Variants in C1orf94 observed in about 807,000 individuals in gnomAD.
C1orf94 encodes uncharacterized protein C1orf94.
C1orf94 carries 45 observed loss-of-function variants against 53.6 expected under a neutral mutation model. The observed-to-expected ratio is 0.84, with a 90% CI of 0.66 to 1.08. The LOEUF is 1.08. Among genes scored for constraint, C1orf94 ranks in the 50% least tolerant of loss-of-function variants. C1orf94 has a pLI of 0.00. For synonymous variants in C1orf94, 304 were observed against 296.1 expected, an observed-to-expected ratio of 1.03 and a Z score of -0.27; for missense variants, 762 against 738.9, an observed-to-expected ratio of 1.03 and a Z score of -0.36.
intron 1 of C1orf94, among the ~76,000 whole-genome samples, chr1:34,171,887 G>A (rs1394384076): frequency 4.6e-5 from 7 of 152,176 alleles, no homozygotes; most frequent in African/African-American, 1.4e-4. Flanking sequence ...TTACCTCCAT[G>A]AGGCCTGACC....
Position 34,197,523 on chromosome 1 carries a change from G to C in C1orf94, c.619G>C (p.Val207Leu), listed in dbSNP as rs367654533. 1 of 1,614,114 alleles carries C rather than the reference G, an allele frequency of 6.2e-7. No individual in the cohort carries two copies. Among genetic ancestry groups the C allele is most frequent in the Admixed American group, 1.7e-5 (1 of 60,016 alleles). ...GGACTGTGATTCTGCCACTTCTACTGTCACAGACATTCTGTGTGCCGCCGA... is the reference window on the plus strand; with the variant it reads ...GGACTGTGATTCTGCCACTTCTACTCTCACAGACATTCTGTGTGCCGCCGA... ...RQDCDSATSTVTDILCAAEVK... is the reference protein window; with the variant it reads ...RQDCDSATSTLTDILCAAEVK... Residue 207 changes from valine to leucine, a missense_variant, in exon 2 of 7, where the codon GTC (valine) becomes CTC (leucine). Coordinates refer to ENST00000488417, the MANE Select transcript of C1orf94 (RefSeq NM_001134734.2). The surrounding 1 kb of genome is among the most constrained non-coding windows in gnomAD (Gnocchi z 4.1).
At chr1:34,179,423 C>A (rs72888148) in intron 1 of C1orf94, among the ~76,000 whole-genome samples, 4,064 of 152,342 alleles carry the variant, frequency 0.027, 175 homozygotes, top group African/African-American at 0.085. Context: ...AGCTGATTGT[C>A]CACTTTGTGG....
At chr1:34,202,519 T>C (rs1283435103) in intron 4 of C1orf94, among the ~76,000 whole-genome samples, 1 of 152,178 alleles carries the variant, frequency 6.6e-6, no homozygotes, top group African/African-American at 2.4e-5. Flanking sequence ...CACACACATA[T>C]GTATATTTAG....
chr1:34,173,361 A>T (rs1333701422), upstream of C1orf94, among the ~76,000 whole-genome samples: 2 of 152,242 alleles, frequency 1.3e-5, no homozygotes, highest in Non-Finnish European at 2.9e-5. Flanking sequence ...TGAGGAACCT[A>T]AAAGGACCTA....
chr1:34,186,283 C>A (rs1057423172), intron 1 of C1orf94, among the ~76,000 whole-genome samples: 1 of 152,150 alleles, frequency 6.6e-6, no homozygotes, highest in Non-Finnish European at 1.5e-5. Flanking sequence ...AAAGTCACAG[C>A]GACTATTTCA....
intron 1 of C1orf94, among the ~76,000 whole-genome samples, chr1:34,171,182 T>G (rs973932166): frequency 6.6e-6 from 1 of 152,138 alleles, no homozygotes; most frequent in African/African-American, 2.4e-5. Context: ...GCCTCAGATC[T>G]CCCTATTCCC....
chr1:34,188,802 T>A lies in C1orf94; in HGVS notation c.321-8423T>A, dbSNP rs941917800. On this transcript the variant is annotated intron_variant, in intron 1 of 6. Transcript: ENST00000488417. ...AGTCCCCTGACTCCTATCAGGAAAGTCCCAGGAGACAGAGCTTAAGGGTTT... is the reference window on the plus strand; with the variant it reads ...AGTCCCCTGACTCCTATCAGGAAAGACCCAGGAGACAGAGCTTAAGGGTTT... Among the ~76,000 whole-genome samples the A allele has an allele frequency of 7.2e-5, 11 of 152,242 alleles. No individual in the cohort carries two copies. In the Middle Eastern group the frequency reaches 0.01, roughly 141 times the overall value.
chr1:34,180,351 T>A (rs1285354641), intron 1 of C1orf94, among the ~76,000 whole-genome samples: 1 of 152,244 alleles, frequency 6.6e-6, no homozygotes, highest in African/African-American at 2.4e-5. Context: ...ATTATGCAAA[T>A]TTTCAAACAC....
At chr1:34,215,987 C>G (rs1393813749) in intron 6 of C1orf94, among the ~76,000 whole-genome samples, 2 of 152,100 alleles carry the variant, frequency 1.3e-5, no homozygotes, top group African/African-American at 2.4e-5. Flanking sequence ...GCCTGGGTGA[C>G]AGAGCACAAC....
intron 5 of C1orf94, among the ~76,000 whole-genome samples, chr1:34,211,195 C>T (rs1370454425): frequency 6.6e-6 from 1 of 151,998 alleles, no homozygotes; most frequent in Non-Finnish European, 1.5e-5. Context: ...GGTAACGAGC[C>T]CCCCATCATT....
intron 1 of C1orf94, among the ~76,000 whole-genome samples, chr1:34,178,640 A>C (rs1368819789): frequency 6.6e-6 from 1 of 152,204 alleles, no homozygotes; most frequent in Non-Finnish European, 1.5e-5. Context: ...ACATAATAGA[A>C]AATTAAAGTG....
At chr1:34,215,899 G>A (rs540177444) in intron 6 of C1orf94, among the ~76,000 whole-genome samples, 2 of 152,196 alleles carry the variant, frequency 1.3e-5, no homozygotes, top group African/African-American at 2.4e-5. Context: ...CCAGCTACTC[G>A]GGAGGCTGAG....
chr1:34,173,629 T>C (rs765045626), upstream of C1orf94, among the ~76,000 whole-genome samples: 10 of 152,250 alleles, frequency 6.6e-5, no homozygotes, highest in Admixed American at 3.9e-4. Context: ...CAAGCTATTA[T>C]AAGCACTTTA....
At chr1:34,215,192 A>G (rs1334812327) in intron 6 of C1orf94, among the ~76,000 whole-genome samples, 1 of 152,188 alleles carries the variant, frequency 6.6e-6, no homozygotes, top group East Asian at 1.9e-4. Flanking sequence ...TGAACCACAC[A>G]TACATTTCGG....
chr1:34,214,919 A>G (rs933997865), intron 6 of C1orf94, among the ~76,000 whole-genome samples: 2 of 152,152 alleles, frequency 1.3e-5, no homozygotes, highest in Admixed American at 6.5e-5. Context: ...AAGCCTGAGT[A>G]CCCAGAGGGG....
upstream of C1orf94, among the ~76,000 whole-genome samples, chr1:34,174,360 C>T (rs536331494): frequency 3.3e-5 from 5 of 152,302 alleles, no homozygotes; most frequent in Admixed American, 6.5e-5. Context: ...AGTAATAGAA[C>T]ATCTGTAGTA....
At chr1:34,209,740 T>C (rs1391279701) in intron 5 of C1orf94, among the ~76,000 whole-genome samples, 1 of 152,120 alleles carries the variant, frequency 6.6e-6, no homozygotes, top group Non-Finnish European at 1.5e-5. Context: ...CATCCTGAGA[T>C]GAATCTGGGA....
rs758659664 is a variant in C1orf94, at chr1:34,210,660, G to GTT, written c.1525-1538_1525-1537dup. On this transcript the variant is annotated intron_variant, in intron 5 of 6. Transcript: ENST00000488417. ...CAATGAGTGCTAGCCTTTGTGGATT[G>GTT]TTTTTTTTTTTTTAGACGGAGTCTC... Among the ~76,000 whole-genome samples, 830 of 143,858 alleles carry GTT rather than the reference G, an allele frequency of 5.8e-3. 8 individuals are homozygous for GTT. The highest frequency in any genetic ancestry group is 0.02 in the African/African-American group (784 of 39,540). The allele number at this position is 143,858 out of a possible 152,430, so 94.4% of individuals were successfully genotyped here.
At position 34,177,967 on chromosome 1, in the gene C1orf94, G is replaced by T; in HGVS notation, c.178G>T (p.Asp60Tyr). 1 of 1,551,726 alleles carries T rather than the reference G, an allele frequency of 6.4e-7. No individual in the cohort carries two copies. Among genetic ancestry groups the T allele is most frequent in the Non-Finnish European group, 8.7e-7 (1 of 1,147,004 alleles). Residue 60 changes from aspartate (D) to tyrosine (Y), a missense_variant, in exon 1 of 7, where the codon GAC becomes TAC. Physicochemically the swap from Asp to Tyr is radical, Grantham distance 160. Coordinates refer to ENST00000488417, the MANE Select transcript of C1orf94 (RefSeq NM_001134734.2). ...CTGGATCCACCAGGACACACCCCAA[G>T]ACAGCCTAGACAAGACTTGCCATGA... Reference protein sequence around the residue: ...YIWIHQDTPQDSLDKTCHEIW... With the variant: ...YIWIHQDTPQYSLDKTCHEIW...
Sources: allele counts gnomAD v4.1 joint callset (sites outside exome capture counted in the v4.1 genomes callset), GRCh38; gene constraint gnomAD v4.1.1; non-coding constraint Gnocchi (gnomAD v3.1); transcripts MANE v1.5; gene names NCBI Gene and HGNC (gene_info 2026-07-23, HGNC 2026-07-21).